Variants in WNT7A observed in about 807,000 individuals in gnomAD.
WNT7A encodes the protein protein Wnt-7a.
A neutral mutation model predicts 28.2 loss-of-function variants in WNT7A; 16 were observed. That is an observed-to-expected ratio of 0.57 (90% CI 0.38 to 0.86). The LOEUF (loss-of-function observed/expected upper bound fraction) is 0.86. Ranked by LOEUF, WNT7A falls within the 40% of genes least tolerant of loss-of-function variation. The pLI is 0.00. For missense variants in WNT7A, 411 were observed against 489.7 expected (o/e 0.84, Z 1.52); for synonymous variants, 190 against 195.9 (o/e 0.97, Z 0.25).
chr3:13,839,680 C>A (rs1250367678), intron 3 of WNT7A, among the ~76,000 whole-genome samples: 1 of 152,178 alleles, frequency 6.6e-6, no homozygotes, highest in Non-Finnish European at 1.5e-5. Context: ...ACTTAACCGA[C>A]CCCTTCCCCA....
At chr3:13,838,041 G>A (rs1694397033) in intron 3 of WNT7A, among the ~76,000 whole-genome samples, 1 of 152,208 alleles carries the variant, frequency 6.6e-6, no homozygotes, top group African/African-American at 2.4e-5. Context: ...CCTGCCTTTG[G>A]TGGTGTAGAG....
chr3:13,819,129 T>G lies in WNT7A; in HGVS notation c.865A>C (p.Thr289Pro), dbSNP rs1694068173. 5.0e-6 allele frequency: 8 copies of G among 1,614,164 alleles called. No individual in the cohort carries two copies. Among genetic ancestry groups the G allele is most frequent in the Non-Finnish European group, 6.8e-6 (8 of 1,180,026 alleles). The change falls in exon 4 of 4, where the codon ACC becomes CCC. Residue 289 changes from threonine to proline, a missense_variant. Thr to Pro is a conservative substitution (Grantham distance 38). Coordinates refer to ENST00000285018, the MANE Select transcript of WNT7A (RefSeq NM_004625.4). ...GTCTTGTTGCAGGCGCGGCCCTGGG[T>G]GCCCACACTGCCGGTCACCGGGTCC... ...EEDPVTGSVG[T>P]QGRACNKTAP...
At chr3:13,871,034 T>C (rs904517287) in intron 2 of WNT7A, among the ~76,000 whole-genome samples, 3 of 152,200 alleles carry the variant, frequency 2.0e-5, no homozygotes, top group African/African-American at 7.2e-5. Context: ...CTCTTCCTCT[T>C]CAGTCACAGA....
chr3:13,863,445 T>G (rs951419829), intron 2 of WNT7A, among the ~76,000 whole-genome samples: 6 of 152,170 alleles, frequency 3.9e-5, no homozygotes, highest in Non-Finnish European at 7.3e-5. Flanking sequence ...TGTGTATATG[T>G]GTGTGTGTGT....
chr3:13,861,483 A>G (rs1694830829), intron 2 of WNT7A, among the ~76,000 whole-genome samples: 2 of 152,278 alleles, frequency 1.3e-5, no homozygotes, highest in Admixed American at 1.3e-4. Context: ...AAGGACAGGC[A>G]GTAGGATCAT....
At chr3:13,859,147 A>G (rs150545661) in intron 2 of WNT7A, among the ~76,000 whole-genome samples, 10 of 152,324 alleles carry the variant, frequency 6.6e-5, no homozygotes, top group Non-Finnish European at 8.8e-5. Context: ...CCCATTTCAC[A>G]ATGTCCTGAA....
chr3:13,865,344 T>C (rs1575072760), intron 2 of WNT7A, among the ~76,000 whole-genome samples: 1 of 152,098 alleles, frequency 6.6e-6, no homozygotes, highest in African/African-American at 2.4e-5. Flanking sequence ...AGGCGGCAGG[T>C]GGAGCCTGGG....
At chr3:13,845,496 G>A (rs1559299880) in intron 3 of WNT7A, among the ~76,000 whole-genome samples, 1 of 152,244 alleles carries the variant, frequency 6.6e-6, no homozygotes, top group Non-Finnish European at 1.5e-5. Context: ...GCTATAAGCA[G>A]TTTAAATTCT....
At chr3:13,821,300 C>G (rs532179704) in intron 3 of WNT7A, among the ~76,000 whole-genome samples, 155 of 152,312 alleles carry the variant, frequency 1.0e-3, no homozygotes, top group African/African-American at 3.3e-3. Context: ...TATGGAGCAC[C>G]TGGAGCCCTC....
intron 2 of WNT7A, among the ~76,000 whole-genome samples, chr3:13,868,487 C>CAAAA (rs202035733): frequency 0.12 from 12,618 of 109,470 alleles, 1,923 homozygotes; most frequent in African/African-American, 0.33. Flanking sequence ...AAGGAAAGAA[C>CAAAA]GAAAGAAAGA....
At position 13,850,699 on chromosome 3, in the gene WNT7A, G is replaced by A. The variant is rs74409892; in HGVS notation, c.570+3833C>T. Among the ~76,000 whole-genome samples the A allele has an allele frequency of 6.6e-3, 1,006 of 152,100 alleles. 11 individuals are homozygous for A. Among genetic ancestry groups the A allele is most frequent in the East Asian group, 0.019 (98 of 5,142 alleles). ...AGCCTCCACCCTCCCCCAGGCCCCC[G>A]GAGCTCCCTGGTGCACTTCTCTCTC... On this transcript the variant is annotated intron_variant, in intron 3 of 3. Coordinates refer to ENST00000285018, the MANE Select transcript of WNT7A (RefSeq NM_004625.4).
Position 13,820,667 on chromosome 3 carries a change from G to A in WNT7A, c.571-1244C>T, listed in dbSNP as rs147246816. ...TAGTCTTGCCTCTGGCCCTGGGCCCGTTCAAGATGCTGGGGATACTGAGGT... is the reference window on the plus strand; with the variant it reads ...TAGTCTTGCCTCTGGCCCTGGGCCCATTCAAGATGCTGGGGATACTGAGGT... On this transcript the variant is annotated intron_variant, in intron 3 of 3. Transcript: ENST00000285018. Among the ~76,000 whole-genome samples the A allele has an allele frequency of 1.7e-3, 266 of 152,274 alleles. 1 individual carries two copies. The highest frequency in any genetic ancestry group is 5.8e-3 in the African/African-American group (242 of 41,556).
intron 3 of WNT7A, among the ~76,000 whole-genome samples, chr3:13,821,295 A>G (rs1186710536): frequency 6.6e-6 from 1 of 152,186 alleles, no homozygotes; most frequent in African/African-American, 2.4e-5. Flanking sequence ...AAGCATATGG[A>G]GCACCTGGAG....
At chr3:13,820,978 C>G (rs553972665) in intron 3 of WNT7A, among the ~76,000 whole-genome samples, 2 of 152,230 alleles carry the variant, frequency 1.3e-5, no homozygotes, top group South Asian at 4.1e-4. Flanking sequence ...CCCCCCCACA[C>G]GCAGCCCATG....
At chr3:13,862,286 G>A (rs1253448828) in intron 2 of WNT7A, among the ~76,000 whole-genome samples, 1 of 152,240 alleles carries the variant, frequency 6.6e-6, no homozygotes, top group Non-Finnish European at 1.5e-5. Flanking sequence ...AACGATCCCA[G>A]CGGGTACAGA....
At position 13,848,311 on chromosome 3, in the gene WNT7A, A is replaced by G. The variant is rs550465743; in HGVS notation, c.570+6221T>C. On this transcript the variant is annotated intron_variant, in intron 3 of 3. Coordinates refer to ENST00000285018, the MANE Select transcript of WNT7A (RefSeq NM_004625.4). ...GACAAGCTACAGTCTGGGAAAACATATTTGCCAACCGCATGTCTGACCAAA... is the reference window on the plus strand; with the variant it reads ...GACAAGCTACAGTCTGGGAAAACATGTTTGCCAACCGCATGTCTGACCAAA... Among the ~76,000 whole-genome samples the G allele has an allele frequency of 2.0e-5, 3 of 152,346 alleles. No individual in the cohort carries two copies. In the East Asian group the frequency reaches 5.8e-4, roughly 29 times the overall value.
intron 3 of WNT7A, among the ~76,000 whole-genome samples, chr3:13,845,990 CA>C (rs1694531447): frequency 6.6e-6 from 1 of 152,168 alleles, no homozygotes; most frequent in Admixed American, 6.5e-5. Flanking sequence ...TCTCCTTGTC[CA>C]GTCTCATCCT....
At chr3:13,873,372 G>GGT (rs1384740622) in intron 2 of WNT7A, among the ~76,000 whole-genome samples, 1 of 151,996 alleles carries the variant, frequency 6.6e-6, no homozygotes, top group Non-Finnish European at 1.5e-5. Context: ...ACTGGTTGCT[G>GGT]GTTTGCACCT....
At chr3:13,853,728 C>T (rs1382668745) in intron 3 of WNT7A, among the ~76,000 whole-genome samples, 2 of 152,220 alleles carry the variant, frequency 1.3e-5, no homozygotes, top group East Asian at 1.9e-4. Flanking sequence ...GAACACACTC[C>T]CACGGGATCC....
Sources: allele counts gnomAD v4.1 joint callset (sites outside exome capture counted in the v4.1 genomes callset), GRCh38; gene constraint gnomAD v4.1.1; transcripts MANE v1.5; gene names NCBI Gene and HGNC (gene_info 2026-07-23, HGNC 2026-07-21).